Variants in PHTF2 observed in about 807,000 individuals in gnomAD.
PHTF2 encodes the protein protein PHTF2.
Under a neutral mutation model 101.2 loss-of-function variants are expected in PHTF2, and 60 were observed. That is an observed-to-expected ratio of 0.59 (90% CI 0.48 to 0.73). The LOEUF (loss-of-function observed/expected upper bound fraction) is 0.73. Among genes scored for constraint, PHTF2 ranks in the 30% least tolerant of loss-of-function variants. PHTF2 has a pLI of 0.00. For synonymous variants in PHTF2, 311 were observed against 307.3 expected (o/e 1.01, Z -0.13); for missense variants, 747 against 908.7 (o/e 0.82, Z 2.29).
chr7:77,925,927 G>A (rs1312623508), intron 11 of PHTF2, among the ~76,000 whole-genome samples: 2 of 151,908 alleles, frequency 1.3e-5, no homozygotes, highest in African/African-American at 4.8e-5. Flanking sequence ...GTTGTGGCAC[G>A]TGCCTGTAGT....
chr7:77,915,310 C>G (rs965129305), intron 9 of PHTF2, among the ~76,000 whole-genome samples: 1 of 151,938 alleles, frequency 6.6e-6, no homozygotes, highest in Non-Finnish European at 1.5e-5. Context: ...CCTCCGCCTC[C>G]CGGGTTCAAG....
intron 1 of PHTF2, among the ~76,000 whole-genome samples, chr7:77,834,894 T>A (rs913720293): frequency 6.6e-6 from 1 of 152,240 alleles, no homozygotes. Context: ...GGCCACATAC[T>A]GCTTTACATT....
intron 1 of PHTF2, among the ~76,000 whole-genome samples, chr7:77,806,753 T>C (rs1473681558): frequency 6.6e-6 from 1 of 152,188 alleles, no homozygotes; most frequent in Non-Finnish European, 1.5e-5. Context: ...TTTGGATTCT[T>C]TGAGTATTTT....
At chr7:77,937,946 C>A (rs1286988177) in intron 13 of PHTF2, 108 bp downstream of exon 12, 3 of 475,016 alleles carry the variant, frequency 6.3e-6, no homozygotes, top group Non-Finnish European at 1.0e-5. Flanking sequence ...CATTTCTTCA[C>A]CCTGAAAAAA....
intron 5 of PHTF2, among the ~76,000 whole-genome samples, chr7:77,900,247 G>A (rs192797879): frequency 2.5e-3 from 387 of 152,224 alleles, no homozygotes; most frequent in Middle Eastern, 6.8e-3. Flanking sequence ...GCTGATTGGC[G>A]TCTGCTGAGA....
At chr7:77,864,449 A>G (rs1374551082) in intron 3 of PHTF2, among the ~76,000 whole-genome samples, 1 of 152,210 alleles carries the variant, frequency 6.6e-6, no homozygotes, top group Admixed American at 6.5e-5. Flanking sequence ...TGCAAGGCCT[A>G]TAACGATTTT....
chr7:77,836,134 AAAAAG>A (rs974437760), intron 1 of PHTF2, among the ~76,000 whole-genome samples: 7 of 151,784 alleles, frequency 4.6e-5, no homozygotes, highest in Non-Finnish European at 8.8e-5. Context: ...AAAAAAAAAA[AAAAAG>A]AAGAGGAAGA....
intron 11 of PHTF2, among the ~76,000 whole-genome samples, chr7:77,925,786 C>T (rs1017492911): frequency 3.3e-5 from 5 of 151,964 alleles, no homozygotes; most frequent in Non-Finnish European, 5.9e-5. Flanking sequence ...TGGCCGGGTG[C>T]GGTGCTCATG....
intron 3 of PHTF2, among the ~76,000 whole-genome samples, chr7:77,872,311 G>C (rs762806787): frequency 5.3e-5 from 8 of 152,210 alleles, no homozygotes; most frequent in Non-Finnish European, 1.0e-4. Context: ...CCACTGGTGA[G>C]CACTCACATG....
rs533939855 is a variant in PHTF2 at position 77,922,415 on chromosome 7, T to C, written c.964-208T>C. ...TTGACAAATGGCTGTTGAAGTACTT[T>C]TAAAAGTAAAAATGCCTTAAAAGTA... On this transcript the variant is annotated intron_variant, in intron 10 of 19. Transcript: ENST00000416283. 9.2e-4 allele frequency among the ~76,000 whole-genome samples: 140 copies of C among 152,312 alleles called. 1 individual carries two copies. The highest frequency in any genetic ancestry group is 3.3e-3 in the African/African-American group (136 of 41,576).
At chr7:77,804,217 TC>T (rs1363692344) in intron 1 of PHTF2, among the ~76,000 whole-genome samples, 1 of 152,216 alleles carries the variant, frequency 6.6e-6, no homozygotes, top group East Asian at 1.9e-4. Flanking sequence ...CTATTGTGTG[TC>T]TTTTGGGTGC....
At chr7:77,881,889 A>C (rs190443361) in intron 3 of PHTF2, among the ~76,000 whole-genome samples, 1 of 152,294 alleles carries the variant, frequency 6.6e-6, no homozygotes, top group Admixed American at 6.5e-5. Context: ...TTCTGCTTTG[A>C]ATTATGACTC....
chr7:77,934,926 T>A (rs1437049360), intron 12 of PHTF2, among the ~76,000 whole-genome samples: 1 of 151,510 alleles, frequency 6.6e-6, no homozygotes, highest in Non-Finnish European at 1.5e-5. Context: ...CACTCCAGCC[T>A]GGGCAGTGGA....
At chr7:77,875,190 C>T (rs979102106) in intron 3 of PHTF2, among the ~76,000 whole-genome samples, 7 of 152,110 alleles carry the variant, frequency 4.6e-5, no homozygotes, top group African/African-American at 1.4e-4. Flanking sequence ...GTCATTTTCA[C>T]AACATTCTTC....
chr7:77,946,586 AAATT>A (rs1175752394), intron 16 of PHTF2, among the ~76,000 whole-genome samples: 1 of 152,226 alleles, frequency 6.6e-6, no homozygotes, highest in Non-Finnish European at 1.5e-5. Flanking sequence ...AACATTTTAA[AAATT>A]AATTTTGTTT....
At chr7:77,814,768 G>C (rs1404865393) in intron 1 of PHTF2, among the ~76,000 whole-genome samples, 5 of 152,026 alleles carry the variant, frequency 3.3e-5, no homozygotes, top group Non-Finnish European at 5.9e-5. Flanking sequence ...GCCCGGTCTG[G>C]GGGGGCATTT....
At chr7:77,864,299 A>G (rs957637309) in intron 3 of PHTF2, among the ~76,000 whole-genome samples, 6 of 152,154 alleles carry the variant, frequency 3.9e-5, no homozygotes, top group Admixed American at 6.5e-5. Context: ...CCCTACCTTC[A>G]TTACTCTTTC....
chr7:77,930,530 C>A (rs562324529), intron 12 of PHTF2, among the ~76,000 whole-genome samples: 1 of 152,152 alleles, frequency 6.6e-6, no homozygotes, highest in South Asian at 2.1e-4. Flanking sequence ...TCCTGTCAAA[C>A]CAAGTAAAGT....
intron 12 of PHTF2, among the ~76,000 whole-genome samples, chr7:77,930,839 A>C (rs1301377937): frequency 6.6e-6 from 1 of 152,206 alleles, no homozygotes; most frequent in Non-Finnish European, 1.5e-5. Context: ...AGGCTGATTT[A>C]AAGTCCATAT....
Sources: allele counts gnomAD v4.1 joint callset (sites outside exome capture counted in the v4.1 genomes callset), GRCh38; gene constraint gnomAD v4.1.1; transcripts MANE v1.5; gene names NCBI Gene and HGNC (gene_info 2026-07-23, HGNC 2026-07-21).